CSMD1: variants seen among roughly 807,000 people sequenced by gnomAD.
CSMD1 encodes the protein CUB and sushi domain-containing protein 1.
A neutral mutation model predicts 417.5 loss-of-function variants in CSMD1; 213 were observed. That is an observed-to-expected ratio of 0.51 (90% confidence interval 0.46 to 0.57). The LOEUF (loss-of-function observed/expected upper bound fraction) is 0.57, where lower values mean the gene tolerates loss of function less well. CSMD1 is among the 20% of genes least tolerant of loss of function. The pLI, the probability that CSMD1 is intolerant of heterozygous loss-of-function variation, is 0.00. For synonymous variants in CSMD1, 2,862 were observed against 1,736.8 expected (o/e 1.65, Z -16.11); for missense variants, 6,923 against 4,529.7 (o/e 1.53, Z -15.17).
intron 3 of CSMD1, among the ~76,000 whole-genome samples, chr8:4,374,294 G>A (rs917832430): frequency 6.6e-6 from 1 of 152,082 alleles, no homozygotes; most frequent in Admixed American, 6.6e-5. Context: ...CTGTTATGCT[G>A]TATTAGAGTA....
At position 2,998,195 on chromosome 8, in the gene CSMD1, A is replaced by G. The variant is rs748404750; in HGVS notation, c.8204-11T>C. 2 of 1,613,266 alleles carry G rather than the reference A, an allele frequency of 1.2e-6. No individual in the cohort carries two copies. The highest frequency in any genetic ancestry group is 2.2e-5 in the South Asian group (2 of 91,032). The stretch of plus-strand genomic sequence containing the variant: ...GACCACATGTGATGGCTGTAGAGAG[A>G]CAGGTCAACGTCATTGTTAAATATT... On this transcript the variant is annotated splice_polypyrimidine_tract_variant and intron_variant, in intron 53 of 69. Transcript: ENST00000635120.
intron 1 of CSMD1, among the ~76,000 whole-genome samples, chr8:4,793,584 A>G (rs1204246740): frequency 1.3e-5 from 2 of 152,104 alleles, no homozygotes; most frequent in East Asian, 3.9e-4. Flanking sequence ...CAAACTTTTT[A>G]GTTTGAGGCA....
chr8:3,382,979 G>C (rs769388975), intron 18 of CSMD1, among the ~76,000 whole-genome samples: 1 of 152,106 alleles, frequency 6.6e-6, no homozygotes, highest in African/African-American at 2.4e-5. Context: ...CCACTTAAAC[G>C]CTGTGACAAA....
chr8:4,891,997 T>G (rs993898183), intron 1 of CSMD1, among the ~76,000 whole-genome samples: 2 of 152,026 alleles, frequency 1.3e-5, no homozygotes, highest in Non-Finnish European at 2.9e-5. Flanking sequence ...AAAATAGCTC[T>G]TAAACACTGT....
chr8:4,554,726 T>C (rs188085154), intron 2 of CSMD1, among the ~76,000 whole-genome samples: 207 of 152,312 alleles, frequency 1.4e-3, no homozygotes, highest in African/African-American at 4.4e-3. Flanking sequence ...AGTTTTACTA[T>C]TGTAGTGATG....
chr8:4,283,225 G>C (rs964152225), intron 3 of CSMD1, among the ~76,000 whole-genome samples: 1 of 152,098 alleles, frequency 6.6e-6, no homozygotes, highest in Non-Finnish European at 1.5e-5. Context: ...TAAATTTAAA[G>C]TATCCACTAT....
At chr8:4,458,825 A>G (rs1418516122) in intron 2 of CSMD1, among the ~76,000 whole-genome samples, 1 of 152,206 alleles carries the variant, frequency 6.6e-6, no homozygotes, top group East Asian at 1.9e-4. Context: ...ATTAGATCCA[A>G]AGACCCACTT....
chr8:3,722,481 C>A lies in CSMD1; in HGVS notation c.932-13990G>T, dbSNP rs183102479. Among the ~76,000 whole-genome samples, 3 of 152,094 alleles carry A rather than the reference C, an allele frequency of 2.0e-5. No homozygotes were observed. The East Asian group carries it at 5.8e-4, about 29-fold the overall frequency. On this transcript the variant is annotated intron_variant, in intron 6 of 69. Transcript: ENST00000635120. ...GCCCCAACCTCAGACAGATCTGAAACCATTCTCTCCTGAAAAGCAGGGTCT... is the reference window on the plus strand; with the variant it reads ...GCCCCAACCTCAGACAGATCTGAAAACATTCTCTCCTGAAAAGCAGGGTCT...
In CSMD1 at chr8:3,394,982, T is replaced by C. The variant is rs1040192427; in HGVS notation, c.2593+1212A>G. Among the ~76,000 whole-genome samples the C allele has an allele frequency of 3.9e-5, 6 of 152,294 alleles. No homozygotes were observed. In the South Asian group the frequency reaches 6.2e-4, roughly 16 times the overall value. On this transcript the variant is annotated intron_variant, in intron 17 of 69. Transcript: ENST00000635120. ...ATACATGCATATGCACGTTTGTGTA[T>C]ACTTATATGAGTATGTAAAACCGAG...
chr8:2,960,717 T>C (rs1403170897), intron 62 of CSMD1, among the ~76,000 whole-genome samples: 2 of 152,016 alleles, frequency 1.3e-5, no homozygotes, highest in Admixed American at 1.3e-4. Context: ...CCTATTTTTA[T>C]CTCTAGAATT....
intron 5 of CSMD1, among the ~76,000 whole-genome samples, chr8:3,850,582 C>T (rs551702064): frequency 6.6e-6 from 1 of 152,154 alleles, no homozygotes; most frequent in Non-Finnish European, 1.5e-5. Context: ...GTTTTCCCAG[C>T]TACTTAGGAA....
intron 1 of CSMD1, among the ~76,000 whole-genome samples, chr8:4,967,002 G>C (rs1054004224): frequency 2.6e-5 from 4 of 152,092 alleles, no homozygotes; most frequent in African/African-American, 9.7e-5. Context: ...TTGTACTTCT[G>C]ATGTTATTGC....
intron 1 of CSMD1, among the ~76,000 whole-genome samples, chr8:4,786,156 A>G (rs562291329): frequency 1.3e-5 from 2 of 152,230 alleles, no homozygotes; most frequent in African/African-American, 4.8e-5. Context: ...ACAGCCACTT[A>G]TGAGCCCTGA....
rs2116795127 is a variant in CSMD1, at chr8:4,696,937, G to A, written c.86-59379C>T. On this transcript the variant is annotated intron_variant, in intron 1 of 69. Coordinates refer to ENST00000635120, the MANE Select transcript of CSMD1 (RefSeq NM_033225.6). Reference sequence around the variant, plus strand: ...TCCTGTAATCCCAGCACTTTAGGAGGCCGAGCTGGGTAGATCATGAGGTCA... The same window carrying A: ...TCCTGTAATCCCAGCACTTTAGGAGACCGAGCTGGGTAGATCATGAGGTCA... Among the ~76,000 whole-genome samples, 4 of 152,302 alleles carry A rather than the reference G, an allele frequency of 2.6e-5. 1 individual carries two copies. In the Middle Eastern group the frequency reaches 0.014, roughly 518 times the overall value.
intron 3 of CSMD1, among the ~76,000 whole-genome samples, chr8:4,160,037 G>C (rs1004834822): frequency 6.6e-6 from 1 of 151,026 alleles, no homozygotes; most frequent in Admixed American, 6.6e-5. Flanking sequence ...AATCACCAAA[G>C]AACTTTCATG....
At chr8:4,059,470 C>G (rs548130689) in intron 3 of CSMD1, among the ~76,000 whole-genome samples, 1 of 152,010 alleles carries the variant, frequency 6.6e-6, no homozygotes, top group Non-Finnish European at 1.5e-5. Context: ...AATAGAGATG[C>G]AAATAACCCT....
At chr8:3,136,535 G>C (rs112493332) in intron 41 of CSMD1, among the ~76,000 whole-genome samples, 8,658 of 152,158 alleles carry the variant, frequency 0.057, 669 homozygotes, top group African/African-American at 0.17. Flanking sequence ...AAAGTGCTGG[G>C]ATTACAGACA....
At chr8:4,698,367 G>T (rs1484159983) in intron 1 of CSMD1, among the ~76,000 whole-genome samples, 1 of 152,116 alleles carries the variant, frequency 6.6e-6, no homozygotes, top group African/African-American at 2.4e-5. Flanking sequence ...ACTGGTGAAT[G>T]CATCAGAGAA....
rs117240600 is a variant in CSMD1, at chr8:3,699,981, A to G, written c.1009+8433T>C. Reference sequence around the variant, plus strand: ...CATAACTACATCCCTGGGTTATTCAATTCACCACCTGAGCATCTGTTGTGT... The same window carrying G: ...CATAACTACATCCCTGGGTTATTCAGTTCACCACCTGAGCATCTGTTGTGT... On this transcript the variant is annotated intron_variant, in intron 7 of 69. Transcript: ENST00000635120. Among the ~76,000 whole-genome samples the G allele has an allele frequency of 2.4e-3, 351 of 148,560 alleles. 9 individuals carry two copies. In the East Asian group the frequency reaches 0.063, roughly 27 times the overall value.
Sources: allele counts gnomAD v4.1 joint callset (sites outside exome capture counted in the v4.1 genomes callset), GRCh38; gene constraint gnomAD v4.1.1; transcripts MANE v1.5; gene names NCBI Gene and HGNC (gene_info 2026-07-23, HGNC 2026-07-21).